The following CCPG1 variants were observed in gnomAD, a reference collection of about 807,000 sequenced individuals.
The protein encoded by CCPG1 is cell cycle progression protein 1.
A neutral mutation model predicts 81.3 loss-of-function variants in CCPG1; 46 were observed. That is an observed-to-expected ratio of 0.57 (90% confidence interval 0.45 to 0.72). CCPG1 has a LOEUF of 0.72. CCPG1 is among the 30% of genes least tolerant of loss of function. The pLI, the probability that CCPG1 is intolerant of heterozygous loss-of-function variation, is 0.00. For synonymous variants in CCPG1, 330 were observed against 305.2 expected (o/e 1.08, Z -0.85); for missense variants, 902 against 937.6 (o/e 0.96, Z 0.50).
chr15:55,356,824 CACA>C (rs1326140874), intron 8 of CCPG1: 1 of 990,622 alleles, frequency 1.0e-6, no homozygotes, highest in Non-Finnish European at 1.2e-6. Context: ...AGCAAAAGCT[CACA>C]ACACCTACAC....
chr15:55,387,314 T>C (rs917820719), intron 2 of CCPG1, among the ~76,000 whole-genome samples: 2 of 152,168 alleles, frequency 1.3e-5, no homozygotes, highest in Non-Finnish European at 2.9e-5. Context: ...TTAATTATCC[T>C]TGAAGGAGAA....
In CCPG1 at chr15:55,360,526, T is replaced by A; in HGVS notation, c.1247A>T (p.Asn416Ile). 6.2e-7 allele frequency: 1 copy of A among 1,614,160 alleles called. No homozygotes were observed. Among genetic ancestry groups the A allele is most frequent in the Non-Finnish European group, 8.5e-7 (1 of 1,180,032 alleles). Residue 416 changes from asparagine (N) to isoleucine (I), a missense_variant, in exon 8 of 9, where the codon AAT (asparagine) becomes ATT (isoleucine). By Grantham distance (149) the Asn-to-Ile change is moderately radical (BLOSUM62 -3). Coordinates refer to ENST00000442196, the MANE Select transcript of CCPG1 (RefSeq NM_001204450.2). ...SQLHGKSDSPNVYTEKKEIAI... is the reference protein window; with the variant it reads ...SQLHGKSDSPIVYTEKKEIAI... ...TATTTCCTTTTTTTCAGTATATACA[T>A]TGGGAGAATCTGACTTGCCATGTAA...
intron 3 of CCPG1, among the ~76,000 whole-genome samples, chr15:55,384,048 A>C (rs1330940460): frequency 3.9e-5 from 6 of 152,192 alleles, no homozygotes; most frequent in Admixed American, 6.5e-5. Context: ...AAATAAGCTT[A>C]ATCATTTTTA....
chr15:55,381,594 G>C (rs917672179), intron 3 of CCPG1, among the ~76,000 whole-genome samples: 5 of 152,154 alleles, frequency 3.3e-5, no homozygotes, highest in East Asian at 3.8e-4. Context: ...TCAACGTGTA[G>C]GCTTAAAAAA....
intron 3 of CCPG1, among the ~76,000 whole-genome samples, chr15:55,379,599 A>C (rs912588174): frequency 1.3e-5 from 2 of 152,296 alleles, no homozygotes; most frequent in Non-Finnish European, 2.9e-5. Context: ...TGGTAGGCCA[A>C]TGTGTGAGAA....
At position 55,365,206 on chromosome 15, in the gene CCPG1, T is replaced by C; in HGVS notation, c.810A>G (p.Glu270=). 1 of 1,462,396 alleles carries C rather than the reference T, an allele frequency of 6.8e-7. No homozygotes were observed. Among genetic ancestry groups the C allele is most frequent in the Non-Finnish European group, 9.5e-7 (1 of 1,057,734 alleles). The allele number at this position is 1,462,396 out of a possible 1,614,324, so 90.6% of individuals were successfully genotyped here. Residue 270 remains glutamate, a synonymous_variant, in exon 7 of 9, where the codon GAA becomes GAG. Transcript: ENST00000442196. Reference sequence around the variant, plus strand: ...TACATACCTTATAATCTATAAAAGATTCTTGTTCCTGTTGACACTGGGAAA... The same window carrying C: ...TACATACCTTATAATCTATAAAAGACTCTTGTTCCTGTTGACACTGGGAAA... ...DYLSQCQQEQ[E]SFIDYKSLKE...
intron 1 of CCPG1, among the ~76,000 whole-genome samples, chr15:55,400,335 C>A (rs1034797400): frequency 6.6e-6 from 1 of 151,248 alleles, no homozygotes; most frequent in Non-Finnish European, 1.5e-5. Context: ...ATGGTGAAAC[C>A]CCACCTGTAC....
chr15:55,376,160 C>T (rs901826686), intron 5 of CCPG1, among the ~76,000 whole-genome samples: 25 of 152,200 alleles, frequency 1.6e-4, no homozygotes, highest in African/African-American at 5.8e-4. Context: ...TTTTTAGAAT[C>T]ACTAGCAGTG....
intron 8 of CCPG1, chr15:55,357,237 A>T: frequency 1.2e-6 from 1 of 862,200 alleles, no homozygotes; most frequent in Non-Finnish European, 1.3e-6. Context: ...ACTACTATCC[A>T]ACAAGATGAC....
chr15:55,395,683 ACT>A (rs1195304915), intron 1 of CCPG1, among the ~76,000 whole-genome samples: 1 of 151,214 alleles, frequency 6.6e-6, no homozygotes, highest in Non-Finnish European at 1.5e-5. Flanking sequence ...CATCCCTAAG[ACT>A]CTTATTATTT....
chr15:55,392,148 T>A (rs1005642363), intron 1 of CCPG1, among the ~76,000 whole-genome samples: 5 of 151,266 alleles, frequency 3.3e-5, no homozygotes, highest in African/African-American at 1.2e-4. Context: ...TGAAAGTTCT[T>A]TAAAAAAATA....
At chr15:55,361,643 T>G (rs1595820105) in intron 7 of CCPG1, among the ~76,000 whole-genome samples, 1 of 151,678 alleles carries the variant, frequency 6.6e-6, no homozygotes, top group African/African-American at 2.4e-5. Flanking sequence ...GAGGCGAATG[T>G]TGCAGTGAGC....
chr15:55,381,855 C>T (rs1346306148), intron 3 of CCPG1, among the ~76,000 whole-genome samples: 1 of 146,012 alleles, frequency 6.8e-6, no homozygotes, highest in Non-Finnish European at 1.5e-5. Context: ...AGAGTACAGG[C>T]ATATCTCAGA....
chr15:55,378,234 G>T, intron 4 of CCPG1, 66 bp downstream of exon 4: 2 of 963,776 alleles, frequency 2.1e-6, no homozygotes, highest in South Asian at 3.0e-5. Context: ...AATAGAATTA[G>T]AGGCTTTAAA....
In CCPG1 at chr15:55,360,505, TC is replaced by T; in HGVS notation, c.1267del (p.Glu423LysfsTer2). 1 of 1,614,160 alleles carries T rather than the reference TC, an allele frequency of 6.2e-7. No individual in the cohort carries two copies. On this transcript the variant is annotated frameshift_variant, in exon 8 of 9. Transcript: ENST00000442196. LOFTEE classifies it high-confidence loss of function. ...GAGTCTTTCCCGTAAGATTGCTATT[TC>T]CTTTTTTTCAGTATATACATTGGGA... Reference protein sequence around the residue: ...DSPNVYTEKKEIAILRERLTE... With the variant: ...DSPNVYTEKKXIAILRERLTE...
At chr15:55,358,529 A>C in intron 8 of CCPG1, 1 of 985,334 alleles carries the variant, frequency 1.0e-6, no homozygotes, top group Non-Finnish European at 1.2e-6. Flanking sequence ...GTGTATCTTC[A>C]CATCTCCAAA....
chr15:55,403,882 T>G (rs1020032076), intron 1 of CCPG1, among the ~76,000 whole-genome samples: 1 of 152,256 alleles, frequency 6.6e-6, no homozygotes, highest in African/African-American at 2.4e-5. Context: ...CTTGCTGCTG[T>G]GTTCATGTTC....
At chr15:55,377,512 G>A (rs538861158) in intron 4 of CCPG1, among the ~76,000 whole-genome samples, 2 of 152,290 alleles carry the variant, frequency 1.3e-5, no homozygotes, top group African/African-American at 4.8e-5. Flanking sequence ...AAGACTCACT[G>A]AACTTTTTAG....
intron 6 of CCPG1, among the ~76,000 whole-genome samples, chr15:55,366,870 T>A (rs964029061): frequency 3.3e-5 from 5 of 152,054 alleles, no homozygotes; most frequent in Admixed American, 6.6e-5. Flanking sequence ...GCGTCATGTA[T>A]GGGGGGAAAA....
Sources: allele counts gnomAD v4.1 joint callset (sites outside exome capture counted in the v4.1 genomes callset), GRCh38; gene constraint gnomAD v4.1.1; transcripts MANE v1.5; gene names NCBI Gene and HGNC (gene_info 2026-07-23, HGNC 2026-07-21).